Variants in ZMYM1 observed in about 807,000 individuals in gnomAD.
The protein encoded by ZMYM1 is zinc finger MYM-type containing 1.
ZMYM1 carries 39 observed loss-of-function variants against 60.0 expected under a neutral mutation model. The observed-to-expected ratio is 0.65, with a 90% confidence interval of 0.50 to 0.85. ZMYM1 has a LOEUF of 0.85. ZMYM1 is among the 40% of genes least tolerant of loss of function. The probability of loss-of-function intolerance (pLI) is 0.00; values close to 1 mark genes in which losing one functional copy is unlikely to be tolerated. For synonymous variants in ZMYM1, 413 were observed against 454.0 expected (o/e 0.91, Z 1.15); for missense variants, 1,171 against 1,309.5 (o/e 0.89, Z 1.63).
chr1:35,115,213 T>G lies in ZMYM1; in HGVS notation c.3383T>G (p.Leu1128Arg). The G allele has an allele frequency of 6.2e-7, 1 of 1,600,842 alleles. No homozygotes were observed. The highest frequency in any genetic ancestry group is 8.5e-7 in the Non-Finnish European group (1 of 1,176,528). ...LVNKLMEPER[L>R]NEIVEKFISQ... The stretch of plus-strand genomic sequence containing the variant: ...AATAAACTAATGGAGCCTGAAAGAC[T>G]CAATGAAATTGTGGAAAAGTTTATC... The change falls in exon 10 of 10, where the codon CTC becomes CGC. Residue 1128 changes from leucine (L) to arginine (R), a missense_variant. Physicochemically the swap from Leu to Arg is moderately radical, Grantham distance 102 (BLOSUM62 -2). Transcript: ENST00000359858.
At chr1:35,091,493 G>A (rs528294499) in intron 1 of ZMYM1, among the ~76,000 whole-genome samples, 58 of 152,118 alleles carry the variant, frequency 3.8e-4, no homozygotes, top group African/African-American at 1.3e-3. Context: ...GATTACAGGC[G>A]TGAGCCACTG....
intron 1 of ZMYM1, among the ~76,000 whole-genome samples, chr1:35,090,089 G>T (rs1642915244): frequency 6.6e-6 from 1 of 151,942 alleles, no homozygotes; most frequent in Admixed American, 6.6e-5. Flanking sequence ...TGTATTTTTA[G>T]TAGAGATGGG....
At chr1:35,105,261 A>G (rs1212438535) in intron 6 of ZMYM1, among the ~76,000 whole-genome samples, 3 of 150,618 alleles carry the variant, frequency 2.0e-5, no homozygotes, top group Non-Finnish European at 4.4e-5. Context: ...CGGCCTCCCA[A>G]GTAGCTGGGA....
intron 1 of ZMYM1, 92 bp from the exon 2 acceptor site, chr1:35,093,822 G>T: frequency 2.3e-6 from 1 of 435,336 alleles, no homozygotes; most frequent in Non-Finnish European, 4.1e-6. Flanking sequence ...TTGATGCCAA[G>T]CTGTCTAAAG....
chr1:35,098,953 C>T (rs1048557901), intron 4 of ZMYM1, among the ~76,000 whole-genome samples: 1 of 152,138 alleles, frequency 6.6e-6, no homozygotes, highest in African/African-American at 2.4e-5. Context: ...CTGCATTTAT[C>T]GCCATGTGAT....
intron 1 of ZMYM1, among the ~76,000 whole-genome samples, chr1:35,063,644 G>T (rs12071811): frequency 0.2 from 30,495 of 151,920 alleles, 7,053 homozygotes; most frequent in African/African-American, 0.55. Context: ...ACATAAGGCC[G>T]CAGCTAACAA....
intron 1 of ZMYM1, among the ~76,000 whole-genome samples, chr1:35,081,797 G>A (rs2148488874): frequency 6.6e-6 from 1 of 152,300 alleles, no homozygotes; most frequent in East Asian, 1.9e-4. Context: ...CCAGGTTCAA[G>A]TGATTCTCCT....
chr1:35,092,904 C>T (rs1301039171), intron 1 of ZMYM1, among the ~76,000 whole-genome samples: 1 of 152,136 alleles, frequency 6.6e-6, no homozygotes, highest in Admixed American at 6.5e-5. Flanking sequence ...GGATTACAGG[C>T]GTGAGCCACT....
intron 4 of ZMYM1, among the ~76,000 whole-genome samples, chr1:35,101,368 C>A (rs1643647091): frequency 6.6e-6 from 1 of 150,430 alleles, no homozygotes; most frequent in South Asian, 2.1e-4. Flanking sequence ...CCCAGCCTCC[C>A]AGGATTACAC....
intron 9 of ZMYM1, among the ~76,000 whole-genome samples, chr1:35,112,515 A>G (rs376300275): frequency 1.6e-4 from 23 of 145,260 alleles, no homozygotes; most frequent in East Asian, 9.8e-4. Context: ...ATACTATAAT[A>G]TATAAAAATA....
intron 1 of ZMYM1, among the ~76,000 whole-genome samples, chr1:35,090,713 G>A (rs111976697): frequency 2.2e-4 from 33 of 152,242 alleles, no homozygotes; most frequent in African/African-American, 7.7e-4. Flanking sequence ...TTGGGAGGCC[G>A]AGGTGGGCGG....
At position 35,084,232 on chromosome 1, in the gene ZMYM1, T is replaced by C. The variant is rs773402435; in HGVS notation, c.-75+4790T>C. Among the ~76,000 whole-genome samples, 104 of 152,130 alleles carry C rather than the reference T, an allele frequency of 6.8e-4. 1 individual carries two copies. Among genetic ancestry groups the C allele is most frequent in the Non-Finnish European group, 1.9e-4 (13 of 68,020 alleles). ...AGGTCACTACAGAACTTCTCCATCT[T>C]TCCTCTGTTTTCTCAAACATAACCA... On this transcript the variant is annotated intron_variant, in intron 1 of 9. Transcript: ENST00000359858.
chr1:35,104,563 T>C lies in ZMYM1; in HGVS notation c.601T>C (p.Tyr201His). Reference protein sequence around the residue: ...SMCQKTAIIQYEVKYQNVKHN... With the variant: ...SMCQKTAIIQHEVKYQNVKHN... ...TCTTTTTATTAAATCCTAGATTCAGTATGAAGTAAAATACCAAAATGTGAA... is the reference window on the plus strand; with the variant it reads ...TCTTTTTATTAAATCCTAGATTCAGCATGAAGTAAAATACCAAAATGTGAA... The change falls in exon 6 of 10, where the codon TAT becomes CAT. Residue 201 changes from tyrosine to histidine, a missense_variant. By Grantham distance (83) the Tyr-to-His change is moderately conservative. Coordinates refer to ENST00000359858, the MANE Select transcript of ZMYM1 (RefSeq NM_024772.5). The C allele has an allele frequency of 6.2e-7, 1 of 1,614,154 alleles. No homozygotes were observed.
At chr1:35,061,669 G>A (rs1019395852) in intron 1 of ZMYM1, among the ~76,000 whole-genome samples, 1 of 151,358 alleles carries the variant, frequency 6.6e-6, no homozygotes, top group African/African-American at 2.4e-5. Flanking sequence ...CCAGCTACTT[G>A]GGAGGCTGAG....
At chr1:35,092,852 T>G (rs1434088242) in intron 1 of ZMYM1, among the ~76,000 whole-genome samples, 3 of 152,076 alleles carry the variant, frequency 2.0e-5, no homozygotes, top group African/African-American at 4.8e-5. Context: ...CTCAAACTCC[T>G]GATCTCACGT....
intron 1 of ZMYM1, among the ~76,000 whole-genome samples, chr1:35,083,324 A>C (rs1387315272): frequency 6.6e-6 from 1 of 151,496 alleles, no homozygotes. Flanking sequence ...CTAATCTTTT[A>C]ATTGTTTTTA....
chr1:35,078,027 G>A (rs1473656503), upstream of ZMYM1, among the ~76,000 whole-genome samples: 1 of 152,118 alleles, frequency 6.6e-6, no homozygotes, highest in African/African-American at 2.4e-5. Flanking sequence ...TGTAACTTGG[G>A]GCAAATTACC....
At chr1:35,060,698 A>C (rs1036710314) in intron 1 of ZMYM1, among the ~76,000 whole-genome samples, 1 of 152,160 alleles carries the variant, frequency 6.6e-6, no homozygotes, top group Non-Finnish European at 1.5e-5. Context: ...AAAGGAGGGC[A>C]GGGGCTTGGA....
At chr1:35,118,798 A>G (rs1000701272), downstream of ZMYM1, among the ~76,000 whole-genome samples, 1 of 149,502 alleles carries the variant, frequency 6.7e-6, no homozygotes, top group Non-Finnish European at 1.5e-5. Context: ...AATGTAAAAA[A>G]TAAACTTACA....
Sources: allele counts gnomAD v4.1 joint callset (sites outside exome capture counted in the v4.1 genomes callset), GRCh38; gene constraint gnomAD v4.1.1; transcripts MANE v1.5; gene names NCBI Gene and HGNC (gene_info 2026-07-23, HGNC 2026-07-21).